The following IQCM variants were observed in gnomAD, a reference collection of about 807,000 sequenced individuals.
IQCM encodes the protein IQ domain-containing protein M.
Under a neutral mutation model 57.6 loss-of-function variants are expected in IQCM, and 45 were observed. That is an observed-to-expected ratio of 0.78 (90% CI 0.62 to 1.00). The LOEUF is 1.00. IQCM is among the 50% of genes least tolerant of loss of function. The pLI is 0.00. For synonymous variants in IQCM, 148 were observed against 158.9 expected, an observed-to-expected ratio of 0.93 and a Z score of 0.51; for missense variants, 468 against 511.6, an observed-to-expected ratio of 0.91 and a Z score of 0.82.
intron 12 of IQCM, among the ~76,000 whole-genome samples, chr4:149,541,867 T>C (rs111242988): frequency 6.6e-6 from 1 of 152,082 alleles, no homozygotes; most frequent in Non-Finnish European, 1.5e-5. Flanking sequence ...TAGTTACATA[T>C]GCGCTCAGGT....
At chr4:149,643,391 AGATG>A (rs1253015791) in intron 7 of IQCM, among the ~76,000 whole-genome samples, 1 of 152,186 alleles carries the variant, frequency 6.6e-6, no homozygotes, top group Non-Finnish European at 1.5e-5. Context: ...GTGTTATCAT[AGATG>A]TATGTTATGG....
At chr4:149,612,528 G>A (rs1755390424) in intron 8 of IQCM, among the ~76,000 whole-genome samples, 1 of 151,924 alleles carries the variant, frequency 6.6e-6, no homozygotes, top group South Asian at 2.1e-4. Context: ...GGAGCAAGAT[G>A]GATCACAAAG....
chr4:149,621,819 T>C (rs893502157), intron 7 of IQCM, among the ~76,000 whole-genome samples: 3 of 151,810 alleles, frequency 2.0e-5, no homozygotes, highest in Non-Finnish European at 4.4e-5. Flanking sequence ...TCTTTAATCA[T>C]AGGAAAGAGA....
At chr4:149,416,517 T>C (rs1286646325) in intron 13 of IQCM, among the ~76,000 whole-genome samples, 3 of 152,018 alleles carry the variant, frequency 2.0e-5, no homozygotes. Context: ...AAACAGTAAG[T>C]GATGCCTGGG....
chr4:149,734,731 C>T (rs1436948724), intron 4 of IQCM, among the ~76,000 whole-genome samples: 1 of 152,062 alleles, frequency 6.6e-6, no homozygotes, highest in East Asian at 1.9e-4. Context: ...AAATTTGCTA[C>T]CTCCTCTATA....
intron 13 of IQCM, among the ~76,000 whole-genome samples, chr4:149,406,172 G>A (rs1732967626): frequency 6.6e-6 from 1 of 151,840 alleles, no homozygotes. Context: ...GAACTGTCAG[G>A]CACAATGTAT....
chr4:149,645,639 A>G (rs906641186), intron 7 of IQCM, among the ~76,000 whole-genome samples: 1 of 152,074 alleles, frequency 6.6e-6, no homozygotes, highest in Non-Finnish European at 1.5e-5. Flanking sequence ...GTATTGAAAA[A>G]TCCCTTCTTT....
At position 149,624,240 on chromosome 4, in the gene IQCM, A is replaced by G. The variant is rs189318418; in HGVS notation, c.566-2996T>C. On this transcript the variant is annotated intron_variant, in intron 7 of 13. Coordinates refer to ENST00000636793, the MANE Select transcript of IQCM (RefSeq NM_001363507.2). ...GACTACAAGGCTAACCAACAAAACCATAAGAGTGAAAGGTCCCATAGAATC... is the reference window on the plus strand; with the variant it reads ...GACTACAAGGCTAACCAACAAAACCGTAAGAGTGAAAGGTCCCATAGAATC... 2.5e-3 allele frequency among the ~76,000 whole-genome samples: 383 copies of G among 152,216 alleles called. 2 individuals are homozygous for G. The highest frequency in any genetic ancestry group is 8.8e-3 in the African/African-American group (365 of 41,538).
At chr4:149,597,957 A>G (rs1284119048) in intron 8 of IQCM, among the ~76,000 whole-genome samples, 1 of 152,166 alleles carries the variant, frequency 6.6e-6, no homozygotes, top group African/African-American at 2.4e-5. Context: ...ACATAGACAT[A>G]TTACCTACAA....
intron 13 of IQCM, among the ~76,000 whole-genome samples, chr4:149,405,071 C>A (rs539873571): frequency 6.2e-4 from 94 of 151,934 alleles, no homozygotes; most frequent in Non-Finnish European, 9.6e-4. Context: ...AGAGCTCATT[C>A]ATTTAGGAGT....
At chr4:149,368,784 GTA>G (rs1387762991) in intron 13 of IQCM, among the ~76,000 whole-genome samples, 1 of 90,936 alleles carries the variant, frequency 1.1e-5, no homozygotes, top group Non-Finnish European at 2.4e-5. Context: ...ATATATACAT[GTA>G]TATATATACA....
intron 12 of IQCM, among the ~76,000 whole-genome samples, chr4:149,483,054 T>C (rs1223525151): frequency 6.6e-6 from 1 of 151,954 alleles, no homozygotes; most frequent in African/African-American, 2.4e-5. Context: ...TTCATTGGCA[T>C]ATAGTTGTTC....
intron 8 of IQCM, among the ~76,000 whole-genome samples, chr4:149,601,505 G>A (rs753314634): frequency 1.2e-4 from 19 of 152,116 alleles, no homozygotes; most frequent in Admixed American, 5.2e-4. Flanking sequence ...TGAATCCATA[G>A]ATGCAGAACC....
chr4:149,390,273 A>G (rs1292260933), intron 13 of IQCM, among the ~76,000 whole-genome samples: 1 of 152,048 alleles, frequency 6.6e-6, no homozygotes, highest in African/African-American at 2.4e-5. Context: ...TTACTGATAT[A>G]TAGAAATACA....
At chr4:149,378,993 G>A (rs1281838758) in intron 13 of IQCM, among the ~76,000 whole-genome samples, 2 of 152,136 alleles carry the variant, frequency 1.3e-5, no homozygotes, top group Non-Finnish European at 2.9e-5. Context: ...GACTAAAAGG[G>A]GCCAAAGTAC....
At chr4:149,443,949 G>T (rs893356601) in intron 12 of IQCM, among the ~76,000 whole-genome samples, 2 of 151,876 alleles carry the variant, frequency 1.3e-5, no homozygotes, top group Non-Finnish European at 2.9e-5. Context: ...TTAGTAGGAT[G>T]TCAGTAGGGG....
At chr4:149,649,134 T>C (rs1034618461) in intron 7 of IQCM, among the ~76,000 whole-genome samples, 1 of 151,852 alleles carries the variant, frequency 6.6e-6, no homozygotes, top group Non-Finnish European at 1.5e-5. Context: ...ATTTTTGTCA[T>C]TGTTCTCTTT....
intron 13 of IQCM, among the ~76,000 whole-genome samples, chr4:149,360,499 C>T (rs911243022): frequency 1.3e-5 from 2 of 151,972 alleles, no homozygotes; most frequent in African/African-American, 2.4e-5. Context: ...TGGCTGTGTC[C>T]CCACCAAAAT....
chr4:149,551,863 T>C (rs1749066948), intron 11 of IQCM, among the ~76,000 whole-genome samples: 1 of 104,948 alleles, frequency 9.5e-6, no homozygotes, highest in Non-Finnish European at 1.9e-5. Flanking sequence ...GAGAAGGATC[T>C]TCTCTATCAC....
Sources: allele counts gnomAD v4.1 joint callset (sites outside exome capture counted in the v4.1 genomes callset), GRCh38; gene constraint gnomAD v4.1.1; transcripts MANE v1.5; gene names NCBI Gene and HGNC (gene_info 2026-07-23, HGNC 2026-07-21).